KLHL1: variants seen among roughly 807,000 people sequenced by gnomAD.
KLHL1 encodes the protein kelch like family member 1, also known as kelch-like protein 1.
Under a neutral mutation model 77.7 loss-of-function variants are expected in KLHL1, and 47 were observed. That is an observed-to-expected ratio of 0.60 (90% CI 0.48 to 0.77). The LOEUF is 0.77. Among genes scored for constraint, KLHL1 ranks in the 30% least tolerant of loss-of-function variants. The pLI is 0.00. For missense variants in KLHL1, 925 were observed against 910.8 expected (o/e 1.02, Z -0.20); for synonymous variants, 360 against 325.2 (o/e 1.11, Z -1.15).
At chr13:69,895,022 T>C (rs1881580230) in intron 4 of KLHL1, 1 of 509,176 alleles carries the variant, frequency 2.0e-6, no homozygotes, top group South Asian at 1.4e-5. Flanking sequence ...TTGTCATCAA[T>C]GATCTCTTCC....
intron 1 of KLHL1, among the ~76,000 whole-genome samples, chr13:69,999,690 A>T (rs2137323797): frequency 6.6e-6 from 1 of 152,168 alleles, no homozygotes; most frequent in East Asian, 1.9e-4. Context: ...TCCAGTAATG[A>T]AGACCAGTGT....
intron 1 of KLHL1, among the ~76,000 whole-genome samples, chr13:70,076,387 C>CTTTTT (rs34821978): frequency 7.1e-6 from 1 of 139,864 alleles, no homozygotes; most frequent in Non-Finnish European, 1.5e-5. Context: ...AAAGGATAAT[C>CTTTTT]TTTTTTTTTT....
chr13:69,792,008 T>A (rs1324171864), intron 7 of KLHL1, among the ~76,000 whole-genome samples: 2 of 152,190 alleles, frequency 1.3e-5, no homozygotes, highest in Non-Finnish European at 1.5e-5. Flanking sequence ...AGCGAATGCA[T>A]GCTGGGCTTA....
At chr13:69,886,899 A>G (rs1420370189) in intron 4 of KLHL1, among the ~76,000 whole-genome samples, 1 of 152,056 alleles carries the variant, frequency 6.6e-6, no homozygotes, top group African/African-American at 2.4e-5. Flanking sequence ...CCACTACATA[A>G]TCTCTGGCTA....
At chr13:70,010,702 C>T (rs1885512031) in intron 1 of KLHL1, among the ~76,000 whole-genome samples, 1 of 151,610 alleles carries the variant, frequency 6.6e-6, no homozygotes, top group Non-Finnish European at 1.5e-5. Flanking sequence ...ACCAGCCTGG[C>T]CAATATGGTG....
intron 1 of KLHL1, among the ~76,000 whole-genome samples, chr13:70,050,674 C>G (rs753773884): frequency 6.6e-6 from 1 of 151,900 alleles, no homozygotes; most frequent in Non-Finnish European, 1.5e-5. Context: ...ATGATGCAAA[C>G]TTCTGCTTCT....
chr13:69,825,865 G>T (rs1878523357), intron 6 of KLHL1, among the ~76,000 whole-genome samples: 2 of 152,100 alleles, frequency 1.3e-5, no homozygotes, highest in South Asian at 4.1e-4. Context: ...TGCTGATAGG[G>T]TATATCCCAG....
intron 1 of KLHL1, among the ~76,000 whole-genome samples, chr13:70,044,245 G>T (rs555449187): frequency 6.6e-6 from 1 of 152,094 alleles, no homozygotes; most frequent in East Asian, 1.9e-4. Flanking sequence ...CACTTCACTT[G>T]CTCTTCACTC....
At chr13:69,720,661 C>A (rs1566358130) in intron 8 of KLHL1, among the ~76,000 whole-genome samples, 1 of 151,690 alleles carries the variant, frequency 6.6e-6, no homozygotes, top group Non-Finnish European at 1.5e-5. Context: ...CTCACTGAAA[C>A]CTTTTGCAAA....
chr13:69,810,445 TA>T (rs1877823728), intron 6 of KLHL1, among the ~76,000 whole-genome samples: 1 of 152,058 alleles, frequency 6.6e-6, no homozygotes, highest in East Asian at 1.9e-4. Flanking sequence ...GACTTTTGGT[TA>T]AAAAACAAAA....
chr13:69,939,493 G>A (rs79147307), intron 4 of KLHL1, among the ~76,000 whole-genome samples: 1,603 of 151,288 alleles, frequency 0.011, 27 homozygotes, highest in African/African-American at 0.036. Context: ...ATGCTGTGAC[G>A]GAGAGGTTTA....
At chr13:69,828,037 C>G (rs1042339991) in intron 6 of KLHL1, among the ~76,000 whole-genome samples, 3 of 150,398 alleles carry the variant, frequency 2.0e-5, no homozygotes, top group Middle Eastern at 6.9e-3. Context: ...GGATACAGGA[C>G]TAACTTGCAG....
chr13:69,880,721 T>A (rs1439546728), intron 5 of KLHL1, among the ~76,000 whole-genome samples: 2 of 152,078 alleles, frequency 1.3e-5, no homozygotes, highest in Non-Finnish European at 2.9e-5. Flanking sequence ...AACGAGGGCA[T>A]AAAAGAATGA....
In KLHL1 at chr13:69,874,839, G is replaced by A. The variant is rs116230064; in HGVS notation, c.1227+7444C>T. ...TATGAGTTCAGAGAAGTAGCTTTGG[G>A]GTAAATGATGTAGGGCTTTGTAGGA... is the stretch of plus-strand genomic sequence containing the variant. On this transcript the variant is annotated intron_variant, in intron 5 of 10. Coordinates refer to ENST00000377844, the MANE Select transcript of KLHL1 (RefSeq NM_020866.3). Among the ~76,000 whole-genome samples, 448 of 152,120 alleles carry A rather than the reference G, an allele frequency of 2.9e-3. 1 individual carries two copies. Among genetic ancestry groups the A allele is most frequent in the African/African-American group, 0.01 (428 of 41,520 alleles).
At chr13:69,755,494 T>C (rs1364377) in intron 7 of KLHL1, among the ~76,000 whole-genome samples, 60,762 of 151,884 alleles carry the variant, frequency 0.4, 12,540 homozygotes, top group African/African-American at 0.45. Context: ...TTTGTAAACA[T>C]ATGGTATTAA....
At chr13:69,844,748 G>T in intron 5 of KLHL1, among the ~76,000 whole-genome samples, 1 of 151,424 alleles carries the variant, frequency 6.6e-6, no homozygotes, top group African/African-American at 2.4e-5. Context: ...AAGCAATAAG[G>T]TTTTTCTTCT....
chr13:69,980,364 T>C (rs965691875), intron 1 of KLHL1, among the ~76,000 whole-genome samples: 3 of 152,144 alleles, frequency 2.0e-5, no homozygotes, highest in African/African-American at 7.2e-5. Context: ...CTCTTCCCAT[T>C]GCCAACCAGT....
chr13:69,901,795 C>CTTTTTTTTTTTTTTTTTTTTTTTT (rs1205221353), intron 4 of KLHL1, among the ~76,000 whole-genome samples: 5 of 40,790 alleles, frequency 1.2e-4, no homozygotes, highest in African/African-American at 4.8e-4. Context: ...TTCTTTTTTT[C>CTTTTTTTTTTTTTTTTTTTTTTTT]TTTTTTTTTT....
rs1887546116 is a variant in KLHL1 at position 70,086,594 on chromosome 13, GAAAGAAAGAAAGAA to G, written c.497+20595_497+20608del. Among the ~76,000 whole-genome samples the G allele has an allele frequency of 2.8e-4, 9 of 32,482 alleles. 1 individual carries two copies. In the South Asian group the frequency reaches 0.012, roughly 42 times the overall value. 21.3% of individuals were successfully genotyped at this position (32,482 alleles called of 152,430 possible). A position where few individuals can be genotyped will look rare whatever the true frequency, so the allele number is the denominator to read the frequency against. ...TCTCAAAAAAAAAAAAAAAAAAAAA[GAAAGAAAGAAAGAA>G]AGAAAGAAAGAAAGAAAGAAAGAAA... On this transcript the variant is annotated intron_variant, in intron 1 of 10. Coordinates refer to ENST00000377844, the MANE Select transcript of KLHL1 (RefSeq NM_020866.3).
Sources: allele counts gnomAD v4.1 joint callset (sites outside exome capture counted in the v4.1 genomes callset), GRCh38; gene constraint gnomAD v4.1.1; transcripts MANE v1.5; gene names NCBI Gene and HGNC (gene_info 2026-07-23, HGNC 2026-07-21).